UBE2E3: variants seen among roughly 807,000 people sequenced by gnomAD.
The protein encoded by UBE2E3 is ubiquitin conjugating enzyme E2 E3, also known as ubiquitin-conjugating enzyme E2 E3.
In UBE2E3, 5 loss-of-function variants were observed where a neutral mutation model predicts 23.6. The observed-to-expected ratio is 0.21, with a 90% CI of 0.11 to 0.44. The LOEUF (loss-of-function observed/expected upper bound fraction) is 0.44. Among genes scored for constraint, UBE2E3 ranks in the 20% least tolerant of loss-of-function variants. The pLI is 0.99. For synonymous variants in UBE2E3, 78 were observed against 87.5 expected (o/e 0.89, Z 0.60); for missense variants, 81 against 249.8 (o/e 0.32, Z 4.55).
chr2:181,062,791 C>T lies in UBE2E3; in HGVS notation c.527C>T (p.Ala176Val), dbSNP rs772827469. ...ICSLLTDCNP[A>V]DPLVGSIATQ... ...TTTAATGTTCTTTCTGCTTTTCCAG[C>T]GGATCCTCTGGTTGGAAGCATAGCC... The change falls in exon 6 of 6, where the codon GCG becomes GTG. Residue 176 changes from alanine (A) to valine (V), a missense_variant and splice_region_variant. Physicochemically the swap from Ala to Val is moderately conservative, Grantham distance 64. Coordinates refer to ENST00000410062, the MANE Select transcript of UBE2E3 (RefSeq NM_006357.4). 2.5e-6 allele frequency: 4 copies of T among 1,588,878 alleles called. No individual in the cohort carries two copies. Among genetic ancestry groups the T allele is most frequent in the South Asian group, 1.1e-5 (1 of 88,254 alleles).
At chr2:180,983,142 A>T (rs919733376) in intron 2 of UBE2E3, among the ~76,000 whole-genome samples, 1 of 150,992 alleles carries the variant, frequency 6.6e-6, no homozygotes, top group Non-Finnish European at 1.5e-5. Flanking sequence ...CATTTTGTTA[A>T]TTTTTATTGA....
intron 3 of UBE2E3, among the ~76,000 whole-genome samples, chr2:181,007,614 G>A (rs1250482223): frequency 2.6e-5 from 4 of 151,680 alleles, no homozygotes; most frequent in Non-Finnish European, 5.9e-5. Context: ...TCCATTGGTT[G>A]AACTTTGGTC....
intron 3 of UBE2E3, among the ~76,000 whole-genome samples, chr2:181,016,292 C>T (rs1410937675): frequency 6.6e-6 from 1 of 151,610 alleles, no homozygotes; most frequent in Admixed American, 6.6e-5. Context: ...GTAGTCCAGG[C>T]TGGTCTTGAT....
At chr2:181,030,040 G>C (rs1015346932) in intron 3 of UBE2E3, among the ~76,000 whole-genome samples, 1 of 151,774 alleles carries the variant, frequency 6.6e-6, no homozygotes, top group Non-Finnish European at 1.5e-5. Context: ...CATCATGTTG[G>C]CCAGGATTTT....
intron 3 of UBE2E3, among the ~76,000 whole-genome samples, chr2:181,031,471 G>GT (rs1219930043): frequency 2.6e-5 from 4 of 151,594 alleles, no homozygotes; most frequent in African/African-American, 4.8e-5. Flanking sequence ...TACCGTTTTT[G>GT]TTTTTTTGTC....
At chr2:181,055,954 A>AC (rs1686976751) in intron 3 of UBE2E3, among the ~76,000 whole-genome samples, 1 of 151,616 alleles carries the variant, frequency 6.6e-6, no homozygotes, top group South Asian at 2.1e-4. Context: ...TGTAACTAAG[A>AC]CTTAGTAGCA....
At chr2:181,032,189 G>A (rs1686102245) in intron 3 of UBE2E3, among the ~76,000 whole-genome samples, 1 of 152,032 alleles carries the variant, frequency 6.6e-6, no homozygotes, top group Non-Finnish European at 1.5e-5. Flanking sequence ...AACTTTTTTT[G>A]TTGAAGTAGT....
chr2:181,006,866 A>T (rs56319018), intron 3 of UBE2E3, among the ~76,000 whole-genome samples: 1 of 152,050 alleles, frequency 6.6e-6, no homozygotes. Flanking sequence ...TTTTTAAAGT[A>T]AGATACTACT....
At chr2:181,053,599 A>ATT (rs78911542) in intron 3 of UBE2E3, among the ~76,000 whole-genome samples, 1 of 151,426 alleles carries the variant, frequency 6.6e-6, no homozygotes, top group African/African-American at 2.4e-5. Context: ...AACCCCTTGT[A>ATT]TCTCTGCCCC....
intron 3 of UBE2E3, among the ~76,000 whole-genome samples, chr2:181,041,104 C>T (rs149066551): frequency 1.8e-3 from 270 of 151,832 alleles, no homozygotes; most frequent in Middle Eastern, 6.8e-3. Context: ...AAAAATTAGA[C>T]GGGTGTGGCA....
At chr2:180,986,861 A>T (rs1684487024) in intron 3 of UBE2E3, among the ~76,000 whole-genome samples, 1 of 152,084 alleles carries the variant, frequency 6.6e-6, no homozygotes. Context: ...AGCAAAACCA[A>T]AATTATTCAG....
At chr2:180,994,235 C>A (rs546723709) in intron 3 of UBE2E3, among the ~76,000 whole-genome samples, 2 of 152,250 alleles carry the variant, frequency 1.3e-5, no homozygotes, top group African/African-American at 4.8e-5. Flanking sequence ...TTGCAATTAT[C>A]ACTTTTCCCT....
intron 3 of UBE2E3, among the ~76,000 whole-genome samples, chr2:181,051,749 A>G (rs972056111): frequency 6.6e-6 from 1 of 151,928 alleles, no homozygotes; most frequent in African/African-American, 2.4e-5. Flanking sequence ...GCAAATTCTT[A>G]GGACTATTAA....
chr2:181,031,318 T>G (rs1686069977), intron 3 of UBE2E3, among the ~76,000 whole-genome samples: 1 of 152,170 alleles, frequency 6.6e-6, no homozygotes, highest in South Asian at 2.1e-4. Context: ...TCCCTCTGGT[T>G]GTCAAAAACA....
intron 3 of UBE2E3, among the ~76,000 whole-genome samples, chr2:181,011,999 A>G (rs1166034805): frequency 6.6e-6 from 1 of 152,158 alleles, no homozygotes; most frequent in African/African-American, 2.4e-5. Flanking sequence ...TCAGAATTAA[A>G]CCATCATTTT....
At chr2:181,000,556 CTTT>C (rs112131285) in intron 3 of UBE2E3, among the ~76,000 whole-genome samples, 12 of 138,598 alleles carry the variant, frequency 8.7e-5, no homozygotes, top group Admixed American at 5.8e-4. Context: ...AAAGAATAAC[CTTT>C]TTTTTTTTTT....
chr2:180,996,632 T>TC (rs961291659), intron 3 of UBE2E3, among the ~76,000 whole-genome samples: 1 of 151,892 alleles, frequency 6.6e-6, no homozygotes, highest in African/African-American at 2.4e-5. Context: ...ACCTGCCTCT[T>TC]CCCCCCCATT....
chr2:181,018,016 G>A (rs1685549850), intron 3 of UBE2E3, among the ~76,000 whole-genome samples: 1 of 151,104 alleles, frequency 6.6e-6, no homozygotes, highest in African/African-American at 2.4e-5. Flanking sequence ...TTTCTACCTA[G>A]AAGACCACCC....
intron 3 of UBE2E3, among the ~76,000 whole-genome samples, chr2:181,012,332 T>C (rs17605034): frequency 0.23 from 35,327 of 152,132 alleles, 4,470 homozygotes; most frequent in Non-Finnish European, 0.28. Flanking sequence ...GGGTATTGGT[T>C]AGTTACAGTT....
Sources: allele counts gnomAD v4.1 joint callset (sites outside exome capture counted in the v4.1 genomes callset), GRCh38; gene constraint gnomAD v4.1.1; transcripts MANE v1.5; gene names NCBI Gene and HGNC (gene_info 2026-07-23, HGNC 2026-07-21).